Variants in CFAP99 observed in about 807,000 individuals in gnomAD.
CFAP99 encodes the protein cilia- and flagella-associated protein 99.
Under a neutral mutation model 82.7 loss-of-function variants are expected in CFAP99, and 84 were observed. The observed-to-expected ratio is 1.02, with a 90% CI of 0.85 to 1.22. The LOEUF (loss-of-function observed/expected upper bound fraction) is 1.22, where lower values mean the gene tolerates loss of function less well. Ranked by LOEUF, CFAP99 falls within the 50% of genes most tolerant of loss-of-function variation. The pLI is 0.00. For synonymous variants in CFAP99, 456 were observed against 429.5 expected (o/e 1.06, Z -0.76); for missense variants, 1,059 against 983.5 (o/e 1.08, Z -1.03).
At chr4:2,439,355 G>T (rs1733985759) in intron 4 of CFAP99, among the ~76,000 whole-genome samples, 2 of 152,214 alleles carry the variant, frequency 1.3e-5, no homozygotes, top group African/African-American at 4.8e-5. Context: ...TTCCAGCCAA[G>T]GAGAGCCACT....
chr4:2,456,405 G>A (rs927508911), intron 11 of CFAP99, among the ~76,000 whole-genome samples: 16 of 151,982 alleles, frequency 1.1e-4, no homozygotes, highest in East Asian at 3.9e-4. Flanking sequence ...GGCTGGATGC[G>A]GTGGCTCACA....
chr4:2,458,695 C>T (rs1237606362), intron 11 of CFAP99, 28 bp from the exon 12 acceptor site: 64 of 1,521,538 alleles, frequency 4.2e-5, no homozygotes, highest in Non-Finnish European at 5.4e-5. Flanking sequence ...CAGCCCCACT[C>T]ACCGTGGCAG....
At chr4:2,447,095 GATGGATGGATGGATGATAGATGGTGA>G (rs554218534) in intron 6 of CFAP99, among the ~76,000 whole-genome samples, 24 of 151,666 alleles carry the variant, frequency 1.6e-4, no homozygotes, top group East Asian at 5.8e-4. Context: ...TGGGTGGGTG[GATGGATGGATGGATGATAGATGGTGA>G]ATGGATGGAT....
chr4:2,451,458 G>A (rs1192078594), intron 10 of CFAP99, 106 bp downstream of exon 10: 15 of 1,042,048 alleles, frequency 1.4e-5, no homozygotes, highest in Non-Finnish European at 2.1e-5. Flanking sequence ...AGAGGGACTC[G>A]GGGGTCACAA....
At chr4:2,451,397 C>A in intron 10 of CFAP99, 45 bp downstream of exon 10, 1 of 1,520,840 alleles carries the variant, frequency 6.6e-7, no homozygotes, top group South Asian at 1.2e-5. Flanking sequence ...CGGCATCACC[C>A]TTGAGAGGAA....
At chr4:2,419,251 T>C (rs1258962704) in intron 1 of CFAP99, among the ~76,000 whole-genome samples, 158 bp downstream of exon 1, 3 of 152,066 alleles carry the variant, frequency 2.0e-5, no homozygotes, top group African/African-American at 4.8e-5. Context: ...TTTTTTTTTT[T>C]TTAAATCACC....
Position 2,451,245 on chromosome 4 carries a change from C to G in CFAP99, c.868-19C>G. The G allele has an allele frequency of 6.5e-7, 1 of 1,535,808 alleles. No homozygotes were observed. Among genetic ancestry groups the G allele is most frequent in the Non-Finnish European group, 8.7e-7 (1 of 1,146,672 alleles). ...GGGTCTCCTCAAGCCCCCACCACAG[C>G]CAGTCCCCAATCCCGCAGCCTGACA... On this transcript the variant is annotated intron_variant, in intron 9 of 14. Coordinates refer to ENST00000635017, the Ensembl canonical transcript of CFAP99.
At chr4:2,453,816 AT>A (rs34930865) in intron 11 of CFAP99, among the ~76,000 whole-genome samples, 30,554 of 132,278 alleles carry the variant, frequency 0.23, 3,424 homozygotes, top group African/African-American at 0.32. Context: ...ATATAACATG[AT>A]TTTTTTTTTT....
intron 2 of CFAP99, among the ~76,000 whole-genome samples, chr4:2,433,095 G>A (rs1733831690): frequency 1.3e-5 from 2 of 151,774 alleles, no homozygotes; most frequent in South Asian, 4.2e-4. Context: ...GCCTGGCGTG[G>A]ACTGGGATGT....
At position 2,462,216 on chromosome 4, in the gene CFAP99, T is replaced by C; in HGVS notation, c.1662-227T>C. On this transcript the variant is annotated intron_variant, in intron 14 of 14. Coordinates refer to ENST00000635017, the Ensembl canonical transcript of CFAP99. The surrounding 1 kb of genome is among the most constrained non-coding windows in gnomAD (Gnocchi z 4.1). ...AGAAAAGAAAAAAAGAGCAAAAGGG[T>C]AGATAGAAGTGCTGGAGACTCCCCC... 2.4e-6 allele frequency: 1 copy of C among 411,092 alleles called. No individual in the cohort carries two copies. The allele number at this position is 411,092 out of a possible 1,614,324, so 25.5% of individuals were successfully genotyped here.
chr4:2,451,003 G>C lies in CFAP99; in HGVS notation c.852G>C (p.Lys284Asn), dbSNP rs892156540. The change falls in exon 9 of 15, where the codon AAG (lysine) becomes AAC (asparagine). Residue 284 changes from lysine to asparagine, a missense_variant. Physicochemically the swap from Lys to Asn is moderately conservative, Grantham distance 94. Coordinates refer to ENST00000635017, the Ensembl canonical transcript of CFAP99. Reference sequence around the variant, plus strand: ...CACCCCGAATCCGAAAGACTCCGAAGCTGACCTTCTATAGGGTGAGGGGTG... The same window carrying C: ...CACCCCGAATCCGAAAGACTCCGAACCTGACCTTCTATAGGGTGAGGGGTG... The C allele has an allele frequency of 1.3e-5, 20 of 1,536,024 alleles. No individual in the cohort carries two copies. In the East Asian group the frequency reaches 2.9e-4, roughly 23 times the overall value.
In CFAP99 at chr4:2,462,797, C is replaced by A; in HGVS notation, c.2016C>A (p.Phe672Leu). 1 of 1,301,150 alleles carries A rather than the reference C, an allele frequency of 7.7e-7. No individual in the cohort carries two copies. Among genetic ancestry groups the A allele is most frequent in the Non-Finnish European group, 9.7e-7 (1 of 1,027,766 alleles). 80.6% of individuals were successfully genotyped at this position (1,301,150 alleles called of 1,614,324 possible). The change falls in exon 15 of 15, where the codon TTC (phenylalanine) becomes TTA (leucine). Residue 672 changes from phenylalanine to leucine, a missense_variant. Coordinates refer to ENST00000635017, the Ensembl canonical transcript of CFAP99. The surrounding 1 kb of genome is among the most constrained non-coding windows in gnomAD (Gnocchi z 4.1). ...GCGTCCCTGCCCGCGCCGACGCGTT[C>A]CCCGGCCTGCAGGCGCAGCTAGAGG...
At chr4:2,457,781 C>T (rs1204458531) in intron 11 of CFAP99, among the ~76,000 whole-genome samples, 3 of 152,254 alleles carry the variant, frequency 2.0e-5, no homozygotes, top group East Asian at 1.9e-4. Context: ...CTCCCTATTC[C>T]GTGCCGAGGC....
intron 2 of CFAP99, 66 bp from the exon 3 acceptor site, chr4:2,436,808 C>A: frequency 7.5e-7 from 1 of 1,327,276 alleles, no homozygotes; most frequent in Non-Finnish European, 1.0e-6. Context: ...CCCAAGTGTC[C>A]CACCCCCACC....
At chr4:2,431,067 G>T (rs1204808716) in intron 2 of CFAP99, among the ~76,000 whole-genome samples, 1 of 150,550 alleles carries the variant, frequency 6.6e-6, no homozygotes, top group Non-Finnish European at 1.5e-5. Context: ...GTAAGATCCT[G>T]GCTCTTAAAA....
Position 2,446,879 on chromosome 4 carries a change from G to A in CFAP99, c.642+1571G>A, listed in dbSNP as rs1252594241. Reference sequence around the variant, plus strand: ...TGGATAGATGGATGATTGGATGGAGGAATGAATGGGTGGATGAATGATCAA... The same window carrying A: ...TGGATAGATGGATGATTGGATGGAGAAATGAATGGGTGGATGAATGATCAA... On this transcript the variant is annotated intron_variant, in intron 6 of 14. Coordinates refer to ENST00000635017, the Ensembl canonical transcript of CFAP99. This position sits in a 1 kb window ranked among gnomAD's most constrained non-coding sequence, Gnocchi z 5.0. Among the ~76,000 whole-genome samples, 1 of 151,874 alleles carries A rather than the reference G, an allele frequency of 6.6e-6. No individual in the cohort carries two copies. Among genetic ancestry groups the A allele is most frequent in the Non-Finnish European group, 1.5e-5 (1 of 67,964 alleles).
At chr4:2,445,743 G>A (rs933767377) in intron 6 of CFAP99, among the ~76,000 whole-genome samples, 1 of 152,144 alleles carries the variant, frequency 6.6e-6, no homozygotes, top group African/African-American at 2.4e-5. Flanking sequence ...TTATCAGTCA[G>A]GATGCTTTGT....
intron 2 of CFAP99, among the ~76,000 whole-genome samples, chr4:2,435,190 C>T (rs1395323954): frequency 6.6e-6 from 1 of 150,570 alleles, no homozygotes; most frequent in African/African-American, 2.4e-5. Context: ...CCCAGCTGTT[C>T]GGGAGGCTGA....
intron 8 of CFAP99, chr4:2,450,301 T>C: frequency 4.5e-6 from 2 of 448,724 alleles, no homozygotes; most frequent in Non-Finnish European, 8.2e-6. Flanking sequence ...ATTTCATGTC[T>C]CTGTAAGGAA....
Sources: gnomAD v4.1 joint callset for allele counts (sites outside exome capture counted in the v4.1 genomes callset) on GRCh38, gnomAD v4.1.1 for gene constraint, Gnocchi (gnomAD v3.1) non-coding constraint, MANE v1.5 for transcripts, NCBI Gene and HGNC (gene_info 2026-07-23, HGNC 2026-07-21) for gene names.